TMEM132D: variants seen among roughly 807,000 people sequenced by gnomAD.
The protein encoded by TMEM132D is transmembrane protein 132D.
TMEM132D carries 21 observed loss-of-function variants against 62.3 expected under a neutral mutation model. The observed-to-expected ratio is 0.34, with a 90% CI of 0.24 to 0.49. TMEM132D has a LOEUF of 0.49. Among genes scored for constraint, TMEM132D ranks in the 20% least tolerant of loss-of-function variants. The pLI is 0.99. For missense variants in TMEM132D, 1,346 were observed against 1,402.8 expected, an observed-to-expected ratio of 0.96 and a Z score of 0.65; for synonymous variants, 621 against 575.6, an observed-to-expected ratio of 1.08 and a Z score of -1.13.
intron 3 of TMEM132D, among the ~76,000 whole-genome samples, chr12:129,377,734 G>A (rs1870824454): frequency 6.6e-6 from 1 of 152,184 alleles, no homozygotes; most frequent in African/African-American, 2.4e-5. Flanking sequence ...TGTCTGTTGA[G>A]TATTTACAAA....
At chr12:129,238,405 A>G (rs141899950) in intron 4 of TMEM132D, among the ~76,000 whole-genome samples, 2 of 152,366 alleles carry the variant, frequency 1.3e-5, no homozygotes, top group South Asian at 2.1e-4. Context: ...AAGTATATTC[A>G]CATCGTTGTG....
rs548509556 is a variant in TMEM132D, at chr12:129,371,060, T to C, written c.1116-33243A>G. On this transcript the variant is annotated intron_variant, in intron 3 of 8. Coordinates refer to ENST00000422113, the MANE Select transcript of TMEM132D (RefSeq NM_133448.3). This position sits in a 1 kb window ranked among gnomAD's most constrained non-coding sequence, Gnocchi z 4.3. The stretch of plus-strand genomic sequence containing the variant: ...TAACATTCTCAACACAAAAAACAGA[T>C]AAATATTTGATGTGATAGACCCAAT... 1.6e-4 allele frequency among the ~76,000 whole-genome samples: 24 copies of C among 152,276 alleles called. 1 individual carries two copies. The South Asian group carries it at 4.3e-3, about 28-fold the overall frequency.
At chr12:129,672,165 TCTC>T (rs1302045336) in intron 2 of TMEM132D, among the ~76,000 whole-genome samples, 1 of 152,140 alleles carries the variant, frequency 6.6e-6, no homozygotes, top group African/African-American at 2.4e-5. Flanking sequence ...CAAGCCAGCT[TCTC>T]CTCTCTAAGC....
intron 4 of TMEM132D, among the ~76,000 whole-genome samples, chr12:129,288,232 A>G (rs1434859074): frequency 6.6e-6 from 1 of 152,244 alleles, no homozygotes; most frequent in Admixed American, 6.5e-5. Context: ...GCAAAGACAG[A>G]CAAGTGGTAT....
At chr12:129,563,926 C>T (rs1429081120) in intron 2 of TMEM132D, among the ~76,000 whole-genome samples, 3 of 152,134 alleles carry the variant, frequency 2.0e-5, no homozygotes, top group African/African-American at 4.8e-5. Context: ...CTTGGGACAG[C>T]GTTTGGGGAT....
intron 5 of TMEM132D, among the ~76,000 whole-genome samples, chr12:129,163,040 C>T (rs549673454): frequency 6.1e-4 from 93 of 152,284 alleles, no homozygotes; most frequent in Middle Eastern, 6.8e-3. Flanking sequence ...CCTCCGACAC[C>T]ACGTCCTGGG....
chr12:129,356,931 A>AGAGGGGAGGGGAGGAGAGGGGAGGG (rs1870078678), intron 3 of TMEM132D, among the ~76,000 whole-genome samples: 4 of 51,926 alleles, frequency 7.7e-5, no homozygotes, highest in African/African-American at 2.3e-4. Flanking sequence ...AGAGGAGAGG[A>AGAGGGGAGGGGAGGAGAGGGGAGGG]GAGGGGAGGG....
chr12:129,269,731 T>C lies in TMEM132D; in HGVS notation c.1300-60068A>G, dbSNP rs183817883. Among the ~76,000 whole-genome samples the C allele has an allele frequency of 3.2e-4, 48 of 152,272 alleles. 1 individual carries two copies. In the East Asian group the frequency reaches 8.9e-3, roughly 28 times the overall value. ...TAGGGTCTGCTTTGTTCCTGCCTGT[T>C]CCGCTCCAGCTCACTTGCATCCTGG... On this transcript the variant is annotated intron_variant, in intron 4 of 8. Coordinates refer to ENST00000422113, the MANE Select transcript of TMEM132D (RefSeq NM_133448.3).
intron 4 of TMEM132D, among the ~76,000 whole-genome samples, chr12:129,335,960 G>C (rs1406235085): frequency 1.3e-5 from 2 of 152,170 alleles, no homozygotes; most frequent in East Asian, 3.9e-4. Flanking sequence ...AGATGTGATG[G>C]CTGGCATCCC....
rs141234418 is a variant in TMEM132D, at chr12:129,658,494, A to G, written c.968+41316T>C. Among the ~76,000 whole-genome samples the G allele has an allele frequency of 2.4e-3, 362 of 152,276 alleles. 3 individuals carry two copies. Among genetic ancestry groups the G allele is most frequent in the African/African-American group, 8.3e-3 (343 of 41,554 alleles). ...AAGCATTTACAGACTAGATTAGCAA[A>G]CACCAAATGGTAGATTAAAGATGGC... On this transcript the variant is annotated intron_variant, in intron 2 of 8. Coordinates refer to ENST00000422113, the MANE Select transcript of TMEM132D (RefSeq NM_133448.3).
chr12:129,502,505 T>C (rs1226437704), intron 3 of TMEM132D, among the ~76,000 whole-genome samples: 1 of 151,980 alleles, frequency 6.6e-6, no homozygotes, highest in Non-Finnish European at 1.5e-5. Context: ...ACATGAAAAG[T>C]CTTGGAAAAA....
intron 3 of TMEM132D, among the ~76,000 whole-genome samples, chr12:129,343,176 G>C (rs1292869505): frequency 1.3e-5 from 2 of 152,112 alleles, no homozygotes; most frequent in Non-Finnish European, 1.5e-5. Context: ...GGAACCAACA[G>C]AAATGTCCAA....
At chr12:129,092,970 C>T (rs1874980389) in intron 5 of TMEM132D, among the ~76,000 whole-genome samples, 1 of 152,148 alleles carries the variant, frequency 6.6e-6, no homozygotes, top group African/African-American at 2.4e-5. Flanking sequence ...AACAACTTTC[C>T]CTAACTCAGG....
At chr12:129,089,411 A>ATGTCCTCCATGACCGGGG (rs1874817503) in intron 5 of TMEM132D, among the ~76,000 whole-genome samples, 1 of 29,180 alleles carries the variant, frequency 3.4e-5, no homozygotes, top group Non-Finnish European at 5.2e-5. Context: ...CCTGACCGGG[A>ATGTCCTCCATGACCGGGG]TGTCCTCCAT....
intron 3 of TMEM132D, among the ~76,000 whole-genome samples, chr12:129,502,092 C>T (rs1302569530): frequency 3.3e-5 from 5 of 152,142 alleles, no homozygotes; most frequent in African/African-American, 9.6e-5. Context: ...CTCCGCCTCC[C>T]GGGTTCACAC....
chr12:129,545,535 G>A (rs1876709097), intron 2 of TMEM132D, among the ~76,000 whole-genome samples: 1 of 151,966 alleles, frequency 6.6e-6, no homozygotes, highest in Non-Finnish European at 1.5e-5. Flanking sequence ...GCTGACTATA[G>A]GCACAGTGCT....
chr12:129,095,345 G>GT (rs1307880724), intron 5 of TMEM132D, among the ~76,000 whole-genome samples: 2 of 100,396 alleles, frequency 2.0e-5, no homozygotes, highest in Non-Finnish European at 4.0e-5. Flanking sequence ...TATGCCTGCT[G>GT]GTTTTTTTTT....
chr12:129,187,234 G>C (rs951654320), intron 5 of TMEM132D, among the ~76,000 whole-genome samples: 1 of 137,464 alleles, frequency 7.3e-6, no homozygotes, highest in African/African-American at 2.5e-5. Flanking sequence ...GGTGGAGGAA[G>C]ACAAAAAATA....
intron 2 of TMEM132D, among the ~76,000 whole-genome samples, chr12:129,567,951 C>T (rs1380831941): frequency 6.6e-6 from 1 of 152,152 alleles, no homozygotes; most frequent in Non-Finnish European, 1.5e-5. Context: ...GTCTGACCAC[C>T]ATAGGTGGTT....
Sources: allele counts gnomAD v4.1 joint callset (sites outside exome capture counted in the v4.1 genomes callset), GRCh38; gene constraint gnomAD v4.1.1; non-coding constraint Gnocchi (gnomAD v3.1); transcripts MANE v1.5; gene names NCBI Gene and HGNC (gene_info 2026-07-23, HGNC 2026-07-21).